C1GALT1: variants seen among roughly 807,000 people sequenced by gnomAD.
C1GALT1 encodes the protein glycoprotein-N-acetylgalactosamine 3-beta-galactosyltransferase 1.
Under a neutral mutation model 31.0 loss-of-function variants are expected in C1GALT1, and 11 were observed. The observed-to-expected ratio is 0.36, with a 90% CI of 0.22 to 0.59. C1GALT1 has a LOEUF of 0.59. Ranked by LOEUF, C1GALT1 falls within the 20% of genes least tolerant of loss-of-function variation. The pLI, the probability that C1GALT1 is intolerant of heterozygous loss-of-function variation, is 0.79. For synonymous variants in C1GALT1, 175 were observed against 143.6 expected (o/e 1.22, Z -1.56); for missense variants, 424 against 425.2 (o/e 1.00, Z 0.03).
intron 2 of C1GALT1, among the ~76,000 whole-genome samples, chr7:7,167,916 A>G (rs1315325475): frequency 6.6e-6 from 1 of 152,110 alleles, no homozygotes; most frequent in Non-Finnish European, 1.5e-5. Context: ...ATGGAATCCT[A>G]AGAATCTTAC....
intron 3 of C1GALT1, among the ~76,000 whole-genome samples, chr7:7,241,404 T>A (rs1453075049): frequency 1.3e-5 from 2 of 152,044 alleles, no homozygotes; most frequent in Non-Finnish European, 2.9e-5. Context: ...CACCATATTG[T>A]TTTGAACCTT....
At chr7:7,181,416 A>G (rs1486895297), upstream of C1GALT1, among the ~76,000 whole-genome samples, 1 of 152,198 alleles carries the variant, frequency 6.6e-6, no homozygotes, top group Non-Finnish European at 1.5e-5. Flanking sequence ...CTCTTCTAAC[A>G]TGGACCTATC....
rs535571903 is a variant in C1GALT1 at position 7,229,516 on chromosome 7, G to A, written c.-17-4787G>A. 3.3e-5 allele frequency among the ~76,000 whole-genome samples: 5 copies of A among 152,206 alleles called. No homozygotes were observed. The South Asian group carries it at 1.0e-3, about 32-fold the overall frequency. On this transcript the variant is annotated intron_variant, in intron 1 of 3. Coordinates refer to ENST00000436587, the MANE Select transcript of C1GALT1 (RefSeq NM_020156.5). ...CTCTATTGTAGATTGTCTTGATCATGTATACTGCTAAAGGAAGGACTTGTA... is the reference window on the plus strand; with the variant it reads ...CTCTATTGTAGATTGTCTTGATCATATATACTGCTAAAGGAAGGACTTGTA...
chr7:7,236,829 A>G (rs1783379271), intron 2 of C1GALT1, among the ~76,000 whole-genome samples: 1 of 152,136 alleles, frequency 6.6e-6, no homozygotes, highest in African/African-American at 2.4e-5. Flanking sequence ...CAGCTGGGAC[A>G]TGAGAATATT....
At position 7,246,510 on chromosome 7, in the gene C1GALT1, A is replaced by G. The variant is rs1439701782; in HGVS notation, c.*2783A>G. On this transcript the variant is annotated 3_prime_UTR_variant, in exon 4 of 4. Transcript: ENST00000436587. ...CAATCTCAGAAATTCAAATTTAAGCATGGGGCCCAAGAGTATGCATTCTTA... is the reference window on the plus strand; with the variant it reads ...CAATCTCAGAAATTCAAATTTAAGCGTGGGGCCCAAGAGTATGCATTCTTA... The G allele has an allele frequency of 2.6e-5, 4 of 152,200 alleles. No homozygotes were observed. Among genetic ancestry groups the G allele is most frequent in the Non-Finnish European group, 4.4e-5 (3 of 68,036 alleles). The allele number at this position is 152,200 out of a possible 1,614,324, so 9.4% of individuals were successfully genotyped here. A position where few individuals can be genotyped will look rare whatever the true frequency, so the allele number is the denominator to read the frequency against.
chr7:7,225,647 G>A (rs1170497439), intron 1 of C1GALT1, among the ~76,000 whole-genome samples: 1 of 152,162 alleles, frequency 6.6e-6, no homozygotes, highest in Admixed American at 6.6e-5. Flanking sequence ...TTTATATAGA[G>A]AAACATTTGA....
chr7:7,205,502 G>T (rs1384596499), intron 1 of C1GALT1, among the ~76,000 whole-genome samples: 2 of 152,084 alleles, frequency 1.3e-5, no homozygotes, highest in Non-Finnish European at 2.9e-5. Flanking sequence ...TTCACATTGG[G>T]TTGAGGAAAA....
Position 7,247,690 on chromosome 7 carries a change from A to G in C1GALT1, c.*3963A>G, listed in dbSNP as rs559672073. On this transcript the variant is annotated 3_prime_UTR_variant, in exon 4 of 4. Coordinates refer to ENST00000436587, the MANE Select transcript of C1GALT1 (RefSeq NM_020156.5). ...ATTTCAATTTTCAGTTCATTAGACT[A>G]TAATTCTTTGACAGTTTCTGCCTGG... 4 of 152,202 alleles carry G rather than the reference A, an allele frequency of 2.6e-5. No homozygotes were observed. Among genetic ancestry groups the G allele is most frequent in the South Asian group, 4.1e-4 (2 of 4,830 alleles). 9.4% of individuals were successfully genotyped at this position (152,202 alleles called of 1,614,324 possible).
chr7:7,158,560 T>C (rs982145695), intron 2 of C1GALT1, among the ~76,000 whole-genome samples: 7 of 151,062 alleles, frequency 4.6e-5, no homozygotes, highest in African/African-American at 1.7e-4. Context: ...ATATTTTACA[T>C]ATTATATACA....
intron 1 of C1GALT1, among the ~76,000 whole-genome samples, chr7:7,216,697 G>A (rs976720898): frequency 3.3e-5 from 5 of 152,174 alleles, no homozygotes; most frequent in African/African-American, 9.7e-5. Flanking sequence ...CAGAATAGAT[G>A]CCTTAAAAGA....
Position 7,238,960 on chromosome 7 carries a change from A to G in C1GALT1, c.888+38A>G. The G allele has an allele frequency of 2.7e-6, 4 of 1,500,892 alleles. No individual in the cohort carries two copies. The highest frequency in any genetic ancestry group is 3.6e-6 in the Non-Finnish European group (4 of 1,102,438). 93.0% of individuals were successfully genotyped at this position (1,500,892 alleles called of 1,614,324 possible). On this transcript the variant is annotated intron_variant, in intron 3 of 3. Transcript: ENST00000436587. This position sits in a 1 kb window ranked among gnomAD's most constrained non-coding sequence, Gnocchi z 5.2. ...ATTTTATTACTATGTCAATACTTGG[A>G]CTGACTGAATTTTGTTGATAAAAAC...
upstream of C1GALT1, among the ~76,000 whole-genome samples, chr7:7,180,860 G>C (rs1399470572): frequency 2.1e-5 from 3 of 143,722 alleles, no homozygotes; most frequent in Non-Finnish European, 4.5e-5. Flanking sequence ...TCACACCTGT[G>C]AATAGCCACT....
At chr7:7,164,894 A>T (rs1353357399) in intron 2 of C1GALT1, among the ~76,000 whole-genome samples, 1 of 152,118 alleles carries the variant, frequency 6.6e-6, no homozygotes, top group Non-Finnish European at 1.5e-5. Context: ...AAACCATTAC[A>T]GTGTTCACCT....
intron 1 of C1GALT1, among the ~76,000 whole-genome samples, chr7:7,186,143 CTCTT>C (rs55889775): frequency 0.44 from 67,007 of 150,918 alleles, 15,804 homozygotes; most frequent in East Asian, 0.78. Flanking sequence ...TAGCCCAGAA[CTCTT>C]TCTTTCTTTC....
chr7:7,219,675 A>G (rs1782418403), intron 1 of C1GALT1, among the ~76,000 whole-genome samples: 1 of 152,198 alleles, frequency 6.6e-6, no homozygotes, highest in South Asian at 2.1e-4. Flanking sequence ...ATATTCATTA[A>G]ACTCAATTTA....
intron 1 of C1GALT1, among the ~76,000 whole-genome samples, chr7:7,222,660 G>T (rs1283735723): frequency 6.6e-6 from 1 of 152,174 alleles, no homozygotes; most frequent in Non-Finnish European, 1.5e-5. Context: ...GTGGAAATTT[G>T]ATTACAGACT....
At chr7:7,239,727 AC>A (rs1783534829) in intron 3 of C1GALT1, among the ~76,000 whole-genome samples, 1 of 149,096 alleles carries the variant, frequency 6.7e-6, no homozygotes, top group South Asian at 2.2e-4. Context: ...TTCAGAATAT[AC>A]ATTGTACTTA....
At chr7:7,173,856 G>A (rs1780478641) in intron 2 of C1GALT1, among the ~76,000 whole-genome samples, 2 of 152,140 alleles carry the variant, frequency 1.3e-5, no homozygotes, top group South Asian at 2.1e-4. Context: ...TGATCCTGCC[G>A]AGATCATGCC....
chr7:7,195,255 G>A (rs1781234078), intron 1 of C1GALT1, among the ~76,000 whole-genome samples: 1 of 152,126 alleles, frequency 6.6e-6, no homozygotes, highest in Non-Finnish European at 1.5e-5. Flanking sequence ...TCCTTAAGGT[G>A]TAACCTTAGA....
Sources: allele counts gnomAD v4.1 joint callset (sites outside exome capture counted in the v4.1 genomes callset), GRCh38; gene constraint gnomAD v4.1.1; non-coding constraint Gnocchi (gnomAD v3.1); transcripts MANE v1.5; gene names NCBI Gene and HGNC (gene_info 2026-07-23, HGNC 2026-07-21).